ADAMTS12: variants seen among roughly 807,000 people sequenced by gnomAD.
The protein encoded by ADAMTS12 is ADAM metallopeptidase with thrombospondin type 1 motif 12.
In ADAMTS12, 118 loss-of-function variants were observed where a neutral mutation model predicts 167.8. That is an observed-to-expected ratio of 0.70 (90% CI 0.61 to 0.82). ADAMTS12 has a LOEUF of 0.82. Ranked by LOEUF, ADAMTS12 falls within the 40% of genes least tolerant of loss-of-function variation. The pLI is 0.00. For missense variants in ADAMTS12, 1,916 were observed against 1,998.8 expected (o/e 0.96, Z 0.79); for synonymous variants, 704 against 716.9 (o/e 0.98, Z 0.29).
Position 33,881,500 on chromosome 5 carries a change from G to T in ADAMTS12, c.128-20C>A, listed in dbSNP as rs1750443245. 3.7e-6 allele frequency: 6 copies of T among 1,603,658 alleles called. No individual in the cohort carries two copies. The highest frequency in any genetic ancestry group is 4.2e-6 in the Non-Finnish European group (5 of 1,177,526). On this transcript the variant is annotated intron_variant, in intron 1 of 23. Transcript: ENST00000504830. ...AATGCTCTGAAAGAAAAGGAGAAAT[G>T]GAAGAACAGTGAGGGAGATTGGTAG...
intron 2 of ADAMTS12, among the ~76,000 whole-genome samples, chr5:33,775,640 T>C (rs959999427): frequency 8.5e-5 from 13 of 152,178 alleles, no homozygotes; most frequent in African/African-American, 1.7e-4. Flanking sequence ...ATGTGAGACA[T>C]TGTAACACCT....
chr5:33,751,305 G>C, intron 3 of ADAMTS12, 99 bp downstream of exon 3: 1 of 1,436,854 alleles, frequency 7.0e-7, no homozygotes, highest in Non-Finnish European at 9.7e-7. Flanking sequence ...GAATACAGAG[G>C]AGATAAGAGA....
intron 18 of ADAMTS12, among the ~76,000 whole-genome samples, chr5:33,580,023 T>C (rs1292075870): frequency 1.3e-5 from 2 of 152,148 alleles, no homozygotes; most frequent in African/African-American, 4.8e-5. Flanking sequence ...CCCCTACTGG[T>C]TTACTGCTGG....
intron 2 of ADAMTS12, among the ~76,000 whole-genome samples, chr5:33,875,373 T>C (rs963218158): frequency 2.0e-5 from 3 of 152,198 alleles, no homozygotes; most frequent in Admixed American, 1.3e-4. Flanking sequence ...TTATAACAAA[T>C]GTACTACTCC....
chr5:33,880,993 G>T, intron 2 of ADAMTS12, 126 bp downstream of exon 2: 1 of 1,393,256 alleles, frequency 7.2e-7, no homozygotes, highest in Non-Finnish European at 9.7e-7. Context: ...TGGAGGCCAG[G>T]ATCATCACAT....
intron 13 of ADAMTS12, among the ~76,000 whole-genome samples, chr5:33,628,420 A>T (rs1280501905): frequency 2.0e-5 from 3 of 152,018 alleles, no homozygotes; most frequent in Non-Finnish European, 4.4e-5. Flanking sequence ...CAAGCTTACT[A>T]AAAAAAACTA....
intron 2 of ADAMTS12, among the ~76,000 whole-genome samples, chr5:33,869,082 A>G (rs2111726823): frequency 6.6e-6 from 1 of 152,324 alleles, no homozygotes; most frequent in African/African-American, 2.4e-5. Flanking sequence ...AGACCTCTGC[A>G]GCAGCTGCTC....
Position 33,751,426 on chromosome 5 carries a change from CT to C in ADAMTS12, c.611del (p.Lys204ArgfsTer7). On this transcript the variant is annotated frameshift_variant, in exon 3 of 24. Coordinates refer to ENST00000504830, the MANE Select transcript of ADAMTS12 (RefSeq NM_030955.4). LOFTEE classifies it high-confidence loss of function. ...TACCCTTTAATCCACAGGTTGGCTC[CT>C]TGGTTTCTGGAACTTTCTGCCTCCT... ...VYRRQKVPETKEPTCGLKDSV... is the reference protein window; with the variant it reads ...VYRRQKVPETXEPTCGLKDSV... The C allele has an allele frequency of 6.2e-7, 1 of 1,614,170 alleles. No homozygotes were observed. Among genetic ancestry groups the C allele is most frequent in the South Asian group, 1.1e-5 (1 of 91,082 alleles).
At position 33,595,903 on chromosome 5, in the gene ADAMTS12, A is replaced by T. The variant is rs752412700; in HGVS notation, c.2654+31T>A. ...GAGTCAGACATCACTGTAGGCAGAC[A>T]CACAGAGCTCCAGCTGTTAGCGATG... On this transcript the variant is annotated intron_variant, in intron 17 of 23. Transcript: ENST00000504830. The T allele has an allele frequency of 2.0e-5, 33 of 1,613,164 alleles. No homozygotes were observed. The South Asian group carries it at 3.0e-4, about 15-fold the overall frequency.
intron 2 of ADAMTS12, among the ~76,000 whole-genome samples, chr5:33,865,259 A>G (rs1749775167): frequency 6.6e-6 from 1 of 152,178 alleles, no homozygotes; most frequent in Non-Finnish European, 1.5e-5. Flanking sequence ...CCAACAGTAT[A>G]TCAGAAAGAT....
chr5:33,575,406 C>A, intron 19 of ADAMTS12, among the ~76,000 whole-genome samples: 1 of 152,120 alleles, frequency 6.6e-6, no homozygotes, highest in Non-Finnish European at 1.5e-5. Flanking sequence ...ATAATCTACA[C>A]TTGCCTTATC....
intron 14 of ADAMTS12, among the ~76,000 whole-genome samples, chr5:33,617,248 T>A (rs1739069535): frequency 6.6e-6 from 1 of 152,112 alleles, no homozygotes; most frequent in Non-Finnish European, 1.5e-5. Context: ...AAATACAGTT[T>A]TAAGACATTG....
At chr5:33,756,234 G>T (rs1579909270) in intron 2 of ADAMTS12, among the ~76,000 whole-genome samples, 2 of 152,214 alleles carry the variant, frequency 1.3e-5, no homozygotes, top group African/African-American at 2.4e-5. Flanking sequence ...GTGGCACTGG[G>T]CCTAGAGCCC....
At chr5:33,889,033 G>A (rs1393236846) in intron 1 of ADAMTS12, among the ~76,000 whole-genome samples, 1 of 152,180 alleles carries the variant, frequency 6.6e-6, no homozygotes, top group East Asian at 1.9e-4. Context: ...GTCTGAATCT[G>A]TCTCCAAATG....
Position 33,759,508 on chromosome 5 carries a change from T to C in ADAMTS12, c.490-7960A>G, listed in dbSNP as rs77676032. ...ATGGTTTTTGCTGACAAGAACTAAA[T>C]AAGGCAATTCATGAAAATGACCCCA... On this transcript the variant is annotated intron_variant, in intron 2 of 23. Coordinates refer to ENST00000504830, the MANE Select transcript of ADAMTS12 (RefSeq NM_030955.4). 4.7e-3 allele frequency among the ~76,000 whole-genome samples: 720 copies of C among 152,294 alleles called. 10 individuals carry two copies. The highest frequency in any genetic ancestry group is 0.017 in the African/African-American group (691 of 41,570).
At chr5:33,765,163 A>T (rs1028503647) in intron 2 of ADAMTS12, among the ~76,000 whole-genome samples, 1 of 152,214 alleles carries the variant, frequency 6.6e-6, no homozygotes, top group Admixed American at 6.5e-5. Context: ...CTTAGATTCA[A>T]CAAGTATTTT....
intron 5 of ADAMTS12, among the ~76,000 whole-genome samples, chr5:33,682,081 T>G (rs781407911): frequency 3.3e-5 from 5 of 152,234 alleles, no homozygotes; most frequent in Non-Finnish European, 7.3e-5. Flanking sequence ...GGGAGTTCAC[T>G]GCAGTAGCCT....
chr5:33,558,445 C>T (rs1745583284), intron 20 of ADAMTS12, among the ~76,000 whole-genome samples: 1 of 152,002 alleles, frequency 6.6e-6, no homozygotes, highest in African/African-American at 2.4e-5. Context: ...GAAACAACTC[C>T]TACAAAACCA....
chr5:33,543,990 T>TA (rs1233103859), intron 22 of ADAMTS12, among the ~76,000 whole-genome samples: 3 of 152,210 alleles, frequency 2.0e-5, no homozygotes, highest in African/African-American at 7.2e-5. Flanking sequence ...CTATTGAACA[T>TA]AGTTTTGTAA....
Sources: gnomAD v4.1 joint callset for allele counts (sites outside exome capture counted in the v4.1 genomes callset) on GRCh38, gnomAD v4.1.1 for gene constraint, MANE v1.5 for transcripts, NCBI Gene and HGNC (gene_info 2026-07-23, HGNC 2026-07-21) for gene names.